The following PTPN4 variants were observed in gnomAD, a reference collection of about 807,000 sequenced individuals.
The protein encoded by PTPN4 is tyrosine-protein phosphatase non-receptor type 4.
Under a neutral mutation model 135.5 loss-of-function variants are expected in PTPN4, and 49 were observed. The observed-to-expected ratio is 0.36, with a 90% CI of 0.29 to 0.46. The LOEUF is 0.46. Ranked by LOEUF, PTPN4 falls within the 20% of genes least tolerant of loss-of-function variation. The probability of loss-of-function intolerance (pLI) is 1.00; values close to 1 mark genes in which losing one functional copy is unlikely to be tolerated. For missense variants in PTPN4, 860 were observed against 1,101.0 expected (o/e 0.78, Z 3.10); for synonymous variants, 333 against 369.9 (o/e 0.90, Z 1.14).
Position 119,920,336 on chromosome 2 carries a change from A to C in PTPN4, c.1001+95A>C, listed in dbSNP as rs1678718152. 8 of 1,357,612 alleles carry C rather than the reference A, an allele frequency of 5.9e-6. No individual in the cohort carries two copies. The Admixed American group carries it at 1.6e-4, about 27-fold the overall frequency. The allele number at this position is 1,357,612 out of a possible 1,614,324, so 84.1% of individuals were successfully genotyped here. On this transcript the variant is annotated intron_variant, in intron 12 of 26. Transcript: ENST00000263708. The stretch of plus-strand genomic sequence containing the variant: ...TTTATGGAACCATACAACCTTTGTT[A>C]CACAAACTTAACTGAGTCAAAAATC...
chr2:119,773,446 G>A (rs1690770779), intron 1 of PTPN4, among the ~76,000 whole-genome samples: 1 of 151,822 alleles, frequency 6.6e-6, no homozygotes, highest in African/African-American at 2.4e-5. Context: ...TTTCAATTAA[G>A]AAAAAAACTG....
At chr2:119,894,995 C>T (rs1413565272) in intron 9 of PTPN4, among the ~76,000 whole-genome samples, 1 of 152,102 alleles carries the variant, frequency 6.6e-6, no homozygotes, top group African/African-American at 2.4e-5. Context: ...AATCTTTGCT[C>T]ACTTCCATTA....
At chr2:119,896,518 G>A (rs1023086953) in intron 9 of PTPN4, among the ~76,000 whole-genome samples, 2 of 152,164 alleles carry the variant, frequency 1.3e-5, no homozygotes, top group Non-Finnish European at 2.9e-5. Flanking sequence ...CAAGATTGAT[G>A]TCTGTTATGT....
chr2:119,952,143 G>T lies in PTPN4; in HGVS notation c.1813+14G>T. 1 of 1,599,122 alleles carries T rather than the reference G, an allele frequency of 6.3e-7. No homozygotes were observed. Among genetic ancestry groups the T allele is most frequent in the Non-Finnish European group, 8.6e-7 (1 of 1,168,854 alleles). On this transcript the variant is annotated intron_variant, in intron 19 of 26. Transcript: ENST00000263708. ...TTCGACCTAATGGTGAGTACTCTAT[G>T]TAGTACCAGATAATTTATAGTAATT...
At chr2:119,890,256 T>C (rs1312500424) in intron 9 of PTPN4, among the ~76,000 whole-genome samples, 1 of 144,272 alleles carries the variant, frequency 6.9e-6, no homozygotes. Context: ...TGTCATTATA[T>C]AATGACCTTC....
chr2:119,965,412 T>G (rs985931616), intron 24 of PTPN4, 85 bp from the exon 25 acceptor site: 1 of 1,318,554 alleles, frequency 7.6e-7, no homozygotes, highest in African/African-American at 1.5e-5. Context: ...CCCCCTCCCT[T>G]CTTTCCTGAT....
intron 2 of PTPN4, among the ~76,000 whole-genome samples, chr2:119,845,690 TTTA>T (rs1677487619): frequency 6.6e-6 from 1 of 152,162 alleles, no homozygotes; most frequent in Admixed American, 6.5e-5. Context: ...GTTGATTTTC[TTTA>T]TTGTTTTTTA....
chr2:119,799,342 C>G (rs541393990), intron 1 of PTPN4, among the ~76,000 whole-genome samples: 1 of 152,214 alleles, frequency 6.6e-6, no homozygotes, highest in South Asian at 2.1e-4. Flanking sequence ...ACAAACTATC[C>G]AATCCAAAGT....
chr2:119,827,384 A>G (rs970672367), intron 2 of PTPN4, among the ~76,000 whole-genome samples: 1 of 152,166 alleles, frequency 6.6e-6, no homozygotes, highest in African/African-American at 2.4e-5. Flanking sequence ...AAAATTTGCA[A>G]GTTTTGTGTG....
chr2:119,788,835 GTTTGTTTTC>G (rs1177012499), intron 1 of PTPN4, among the ~76,000 whole-genome samples: 8 of 152,156 alleles, frequency 5.3e-5, no homozygotes, highest in Admixed American at 2.0e-4. Context: ...TGGACACTTG[GTTTGTTTTC>G]ATCTTTTGGT....
intron 2 of PTPN4, among the ~76,000 whole-genome samples, chr2:119,859,358 T>A (rs1177013468): frequency 6.6e-6 from 1 of 152,238 alleles, no homozygotes; most frequent in Non-Finnish European, 1.5e-5. Context: ...TACGAGACTT[T>A]GGATCGCATT....
chr2:119,981,817 G>A lies in PTPN4; in HGVS notation c.*4747G>A, dbSNP rs1304999855. On this transcript the variant is annotated 3_prime_UTR_variant, in exon 27 of 27. Transcript: ENST00000263708. ...TTTTTATAGTCCTGATGAATTTGTT[G>A]TGAGTAGACACCACATAGTTATTTC... 5 of 152,088 alleles carry A rather than the reference G, an allele frequency of 3.3e-5. No homozygotes were observed. The highest frequency in any genetic ancestry group is 3.3e-4 in the Admixed American group (5 of 15,258). 9.4% of individuals were successfully genotyped at this position (152,088 alleles called of 1,614,324 possible).
chr2:119,836,080 A>AG (rs1384999726), intron 2 of PTPN4, among the ~76,000 whole-genome samples: 1 of 144,450 alleles, frequency 6.9e-6, no homozygotes, highest in African/African-American at 2.8e-5. Context: ...AAAAAAAAAA[A>AG]AAGAAAGAAA....
At chr2:119,769,579 A>G (rs1164235151) in intron 1 of PTPN4, among the ~76,000 whole-genome samples, 1 of 152,246 alleles carries the variant, frequency 6.6e-6, no homozygotes, top group African/African-American at 2.4e-5. Context: ...GAGGAAACCA[A>G]GTGTACAATG....
intron 2 of PTPN4, among the ~76,000 whole-genome samples, chr2:119,810,743 T>C (rs556819160): frequency 6.6e-6 from 1 of 152,322 alleles, no homozygotes; most frequent in African/African-American, 2.4e-5. Context: ...AATAATATTA[T>C]AATGAATACC....
At chr2:119,803,198 G>T (rs1236980786) in intron 1 of PTPN4, among the ~76,000 whole-genome samples, 2 of 151,750 alleles carry the variant, frequency 1.3e-5, no homozygotes, top group African/African-American at 2.4e-5. Context: ...TATGTTCTTT[G>T]TTATTTCCTT....
chr2:119,786,280 A>T (rs1691046058), intron 1 of PTPN4, among the ~76,000 whole-genome samples: 1 of 152,180 alleles, frequency 6.6e-6, no homozygotes, highest in Admixed American at 6.5e-5. Flanking sequence ...GTCTTAAAAA[A>T]TTTTATTTTC....
At position 119,791,571 on chromosome 2, in the gene PTPN4, T is replaced by C. The variant is rs574661669; in HGVS notation, c.-17-18266T>C. Among the ~76,000 whole-genome samples, 378 of 152,358 alleles carry C rather than the reference T, an allele frequency of 2.5e-3. 1 individual carries two copies. Among genetic ancestry groups the C allele is most frequent in the African/African-American group, 8.9e-3 (370 of 41,588 alleles). On this transcript the variant is annotated intron_variant, in intron 1 of 26. Transcript: ENST00000263708. ...TTGTTTTGCTACATATGGTATTCTT[T>C]TTGATAGCCATTTCCTATTAATACT...
At chr2:119,822,451 C>T (rs138018238) in intron 2 of PTPN4, among the ~76,000 whole-genome samples, 2 of 147,642 alleles carry the variant, frequency 1.4e-5, no homozygotes, top group South Asian at 2.3e-4. Context: ...CTCCACCTTG[C>T]GGGTTCAAGT....
Sources: allele counts gnomAD v4.1 joint callset (sites outside exome capture counted in the v4.1 genomes callset), GRCh38; gene constraint gnomAD v4.1.1; transcripts MANE v1.5; gene names NCBI Gene and HGNC (gene_info 2026-07-23, HGNC 2026-07-21).